Variants in SGCZ observed in about 807,000 individuals in gnomAD.
SGCZ encodes the protein sarcoglycan zeta.
In SGCZ, 40 loss-of-function variants were observed where a neutral mutation model predicts 41.3. That is an observed-to-expected ratio of 0.97 (90% CI 0.75 to 1.26). SGCZ has a LOEUF of 1.26. SGCZ is among the 50% of genes most tolerant of loss of function. SGCZ has a pLI of 0.00. For missense variants in SGCZ, 552 were observed against 369.8 expected, an observed-to-expected ratio of 1.49 and a Z score of -4.04; for synonymous variants, 206 against 137.5, an observed-to-expected ratio of 1.50 and a Z score of -3.49.
chr8:15,031,708 TA>T (rs1439973607), intron 1 of SGCZ, among the ~76,000 whole-genome samples: 1 of 152,186 alleles, frequency 6.6e-6, no homozygotes, highest in Non-Finnish European at 1.5e-5. Context: ...AAATTATTCA[TA>T]GGACAATGTC....
At chr8:15,001,697 C>T (rs1044616403) in intron 1 of SGCZ, among the ~76,000 whole-genome samples, 3 of 141,154 alleles carry the variant, frequency 2.1e-5, no homozygotes, top group Admixed American at 7.3e-5. Context: ...CCACTGCACT[C>T]CAGCCTGGGC....
intron 1 of SGCZ, among the ~76,000 whole-genome samples, chr8:14,563,656 AG>A (rs1804273947): frequency 6.6e-6 from 1 of 152,086 alleles, no homozygotes; most frequent in Admixed American, 6.5e-5. Context: ...ATAAGAACTA[AG>A]TTTAGAGGTG....
At chr8:15,096,199 C>A (rs965290257) in intron 1 of SGCZ, among the ~76,000 whole-genome samples, 1 of 152,006 alleles carries the variant, frequency 6.6e-6, no homozygotes, top group Non-Finnish European at 1.5e-5. Context: ...GCCTCAGCCT[C>A]CCAAGAAACT....
rs1001510806 is a variant in SGCZ, at chr8:14,096,833, G to A, written c.744+5543C>T. Among the ~76,000 whole-genome samples, 3 of 152,118 alleles carry A rather than the reference G, an allele frequency of 2.0e-5. No homozygotes were observed. The South Asian group carries it at 6.2e-4, about 32-fold the overall frequency. Reference sequence around the variant, plus strand: ...CGACTTCTTCCTGGTTTAGTCTTGGGAAGGTGTATGTGTCCAGGAATTTAT... The same window carrying A: ...CGACTTCTTCCTGGTTTAGTCTTGGAAAGGTGTATGTGTCCAGGAATTTAT... On this transcript the variant is annotated intron_variant, in intron 7 of 7. Coordinates refer to ENST00000382080, the MANE Select transcript of SGCZ (RefSeq NM_139167.4).
At chr8:14,258,801 C>G (rs992820239) in intron 3 of SGCZ, among the ~76,000 whole-genome samples, 1 of 152,048 alleles carries the variant, frequency 6.6e-6, no homozygotes, top group Admixed American at 6.6e-5. Context: ...GAGGATTACA[C>G]GCAGCACAAT....
intron 1 of SGCZ, among the ~76,000 whole-genome samples, chr8:15,154,769 C>G (rs1213661441): frequency 6.6e-6 from 1 of 152,146 alleles, no homozygotes; most frequent in African/African-American, 2.4e-5. Flanking sequence ...CTGAGACAGT[C>G]AGTCAAGACT....
intron 1 of SGCZ, among the ~76,000 whole-genome samples, chr8:14,972,334 T>G (rs986731042): frequency 1.3e-5 from 2 of 152,142 alleles, no homozygotes; most frequent in Admixed American, 6.6e-5. Context: ...TAAATTTGGA[T>G]AGCTGTTTAT....
intron 1 of SGCZ, among the ~76,000 whole-genome samples, chr8:15,145,907 T>C (rs1170482272): frequency 1.3e-5 from 2 of 152,080 alleles, no homozygotes; most frequent in Non-Finnish European, 2.9e-5. Context: ...AGAACTTGAA[T>C]AAAAATGAGT....
intron 1 of SGCZ, among the ~76,000 whole-genome samples, chr8:15,030,598 G>A (rs1403672671): frequency 6.6e-6 from 1 of 152,188 alleles, no homozygotes; most frequent in Non-Finnish European, 1.5e-5. Flanking sequence ...CTTAGGTAAA[G>A]ACATTCGTTA....
chr8:14,352,901 T>C (rs1803153801), intron 2 of SGCZ, among the ~76,000 whole-genome samples: 1 of 152,120 alleles, frequency 6.6e-6, no homozygotes, highest in African/African-American at 2.4e-5. Context: ...CTCCCTACCC[T>C]AATTGATCTC....
chr8:14,255,014 T>C (rs1484300694), intron 3 of SGCZ, among the ~76,000 whole-genome samples: 1 of 152,150 alleles, frequency 6.6e-6, no homozygotes, highest in Non-Finnish European at 1.5e-5. Context: ...TTGGCTGCTT[T>C]TGCTGCCTCT....
intron 1 of SGCZ, among the ~76,000 whole-genome samples, chr8:14,951,121 T>C (rs77784153): frequency 0.11 from 17,094 of 151,988 alleles, 1,137 homozygotes; most frequent in African/African-American, 0.17. Context: ...ACAGATGGCC[T>C]TAATGTAATC....
chr8:15,077,822 G>C (rs1805594346), intron 1 of SGCZ, among the ~76,000 whole-genome samples: 1 of 152,180 alleles, frequency 6.6e-6, no homozygotes, highest in African/African-American at 2.4e-5. Flanking sequence ...AGAGGTACAA[G>C]ATAAAATGTA....
intron 2 of SGCZ, among the ~76,000 whole-genome samples, chr8:14,432,914 C>CAAAAAAAAA (rs767979164): frequency 1.3e-4 from 10 of 75,600 alleles, no homozygotes; most frequent in African/African-American, 4.4e-4. Context: ...ACTGTGTCTC[C>CAAAAAAAAA]AAAAAAAAAA....
At chr8:14,599,449 T>C (rs576509012) in intron 1 of SGCZ, among the ~76,000 whole-genome samples, 1 of 152,194 alleles carries the variant, frequency 6.6e-6, no homozygotes, top group Non-Finnish European at 1.5e-5. Flanking sequence ...CTCTGACTGG[T>C]CTCCCATTAA....
intron 2 of SGCZ, among the ~76,000 whole-genome samples, chr8:14,352,457 A>G (rs1225364549): frequency 2.6e-5 from 4 of 152,118 alleles, no homozygotes; most frequent in African/African-American, 9.7e-5. Flanking sequence ...AGCCAAGAAA[A>G]TTTGACGTAA....
At chr8:14,990,770 T>A (rs1801987243) in intron 1 of SGCZ, among the ~76,000 whole-genome samples, 1 of 152,074 alleles carries the variant, frequency 6.6e-6, no homozygotes, top group Admixed American at 6.6e-5. Context: ...GCTAACTCGG[T>A]CTGTGGAAAA....
intron 1 of SGCZ, among the ~76,000 whole-genome samples, chr8:15,229,010 A>T (rs527758136): frequency 6.6e-6 from 1 of 152,298 alleles, no homozygotes; most frequent in Admixed American, 6.5e-5. Context: ...CCTGGCCAAC[A>T]TGGTGAAACC....
At chr8:14,790,114 T>C (rs1800900037) in intron 1 of SGCZ, among the ~76,000 whole-genome samples, 1 of 152,138 alleles carries the variant, frequency 6.6e-6, no homozygotes, top group African/African-American at 2.4e-5. Context: ...ATTCTGCCCA[T>C]TGAATGCATG....
Sources: allele counts gnomAD v4.1 joint callset (sites outside exome capture counted in the v4.1 genomes callset), GRCh38; gene constraint gnomAD v4.1.1; transcripts MANE v1.5; gene names NCBI Gene and HGNC (gene_info 2026-07-23, HGNC 2026-07-21).